ATP5MJ: variants seen among roughly 807,000 people sequenced by gnomAD.
ATP5MJ encodes ATP synthase F(0) complex subunit j, mitochondrial.
In ATP5MJ, 4 loss-of-function variants were observed where a neutral mutation model predicts 8.3. That is an observed-to-expected ratio of 0.48 (90% CI 0.24 to 1.11). The LOEUF is 1.11. ATP5MJ is among the 50% of genes least tolerant of loss of function. ATP5MJ has a pLI of 0.18. For synonymous variants in ATP5MJ, 23 were observed against 21.3 expected (o/e 1.08, Z -0.23); for missense variants, 66 against 71.8 (o/e 0.92, Z 0.29).
chr14:103,920,429 G>C (rs2087667031), intron 1 of ATP5MJ, among the ~76,000 whole-genome samples: 2 of 145,798 alleles, frequency 1.4e-5, no homozygotes, highest in African/African-American at 5.1e-5. Context: ...ACCGCGCCCA[G>C]CTACATATTC....
At position 103,918,916 on chromosome 14, in the gene ATP5MJ, G is replaced by C. The variant is rs548964179; in HGVS notation, c.-1+2554C>G. Reference sequence around the variant, plus strand: ...GGGCGCCTGTAGTCCCAGCTACTCGGAAGGCCGAGGCAGGAGAATGGCGTG... The same window carrying C: ...GGGCGCCTGTAGTCCCAGCTACTCGCAAGGCCGAGGCAGGAGAATGGCGTG... On this transcript the variant is annotated intron_variant, in intron 1 of 3. Transcript: ENST00000286953. 5.9e-4 allele frequency among the ~76,000 whole-genome samples: 90 copies of C among 152,010 alleles called. No homozygotes were observed. In the East Asian group the frequency reaches 0.014, roughly 23 times the overall value.
intron 1 of ATP5MJ, among the ~76,000 whole-genome samples, chr14:103,919,754 T>C (rs79739978): frequency 0.023 from 3,485 of 152,230 alleles, 75 homozygotes; most frequent in East Asian, 0.067. Context: ...TACCTTTCCC[T>C]TCCTTTCCCC....
intron 3 of ATP5MJ, 107 bp downstream of exon 3, chr14:103,913,854 A>T (rs1038043129): frequency 7.5e-7 from 1 of 1,327,462 alleles, no homozygotes; most frequent in Non-Finnish European, 1.1e-6. Context: ...CCTTACATAT[A>T]TACTGAACTG....
Position 103,915,115 on chromosome 14 carries a change from C to G in ATP5MJ, c.75G>C (p.Trp25Cys). 1 of 1,614,112 alleles carries G rather than the reference C, an allele frequency of 6.2e-7. No homozygotes were observed. The highest frequency in any genetic ancestry group is 8.5e-7 in the Non-Finnish European group (1 of 1,180,014). Residue 25 changes from tryptophan to cysteine, a missense_variant, in exon 2 of 4, where the codon TGG becomes TGC. Coordinates refer to ENST00000286953, the MANE Select transcript of ATP5MJ (RefSeq NM_004894.3). ...PYYTKVYQEI[W>C]IGMGLMGFIV... Reference sequence around the variant, plus strand: ...TGAAGCCCATCAGCCCCATTCCTATCCAAATCTCCTGGTAAACTTTGGTGT... The same window carrying G: ...TGAAGCCCATCAGCCCCATTCCTATGCAAATCTCCTGGTAAACTTTGGTGT...
At chr14:103,914,274 T>C in intron 2 of ATP5MJ, 1 of 566,164 alleles carries the variant, frequency 1.8e-6, no homozygotes, top group Non-Finnish European at 3.1e-6. Context: ...CTTAGTAACA[T>C]GTGATTGGGC....
intron 2 of ATP5MJ, chr14:103,914,300 T>C (rs2087605185): frequency 1.8e-6 from 1 of 554,864 alleles, no homozygotes; most frequent in African/African-American, 1.9e-5. Context: ...TGCTCTGCTC[T>C]ACTGAGAACC....
At chr14:103,921,294 C>G (rs2087676314) in intron 1 of ATP5MJ, 176 bp downstream of exon 1, 1 of 384,598 alleles carries the variant, frequency 2.6e-6, no homozygotes, top group Non-Finnish European at 4.8e-6. Flanking sequence ...CGATGCTTCC[C>G]TCTGGCAACC....
At chr14:103,921,260 A>C in intron 1 of ATP5MJ, 1 of 511,892 alleles carries the variant, frequency 2.0e-6, no homozygotes, top group Non-Finnish European at 3.5e-6. Flanking sequence ...AAGGCCAAGG[A>C]GGGAAACGCG....
chr14:103,919,727 A>G (rs1218805177), intron 1 of ATP5MJ, among the ~76,000 whole-genome samples: 1 of 152,098 alleles, frequency 6.6e-6, no homozygotes, highest in African/African-American at 2.4e-5. Context: ...GGGGCCTGCT[A>G]TTCAGTAGCT....
In ATP5MJ at chr14:103,915,128, T is replaced by A. The variant is rs764470239; in HGVS notation, c.62A>T (p.Tyr21Phe). ...CCCCATTCCTATCCAAATCTCCTGG[T>A]AAACTTTGGTGTAGTAGGGCTTCAT... ...IPMKPYYTKV[Y>F]QEIWIGMGLM... The change falls in exon 2 of 4, where the codon TAC becomes TTC. Residue 21 changes from tyrosine (Y) to phenylalanine (F), a missense_variant. Tyr to Phe is a conservative substitution (Grantham distance 22, BLOSUM62 3). Coordinates refer to ENST00000286953, the MANE Select transcript of ATP5MJ (RefSeq NM_004894.3). 6.2e-7 allele frequency: 1 copy of A among 1,614,098 alleles called. No homozygotes were observed. The highest frequency in any genetic ancestry group is 2.2e-5 in the East Asian group (1 of 44,882).
At chr14:103,916,572 A>G (rs1349773375) in intron 1 of ATP5MJ, among the ~76,000 whole-genome samples, 1 of 141,462 alleles carries the variant, frequency 7.1e-6, no homozygotes, top group East Asian at 2.1e-4. Flanking sequence ...GTCTCTACAA[A>G]ACATAAAAAA....
chr14:103,914,860 A>G (rs2087612396), intron 2 of ATP5MJ: 1 of 508,216 alleles, frequency 2.0e-6, no homozygotes, highest in Non-Finnish European at 3.3e-6. Context: ...AAAAAAAAGA[A>G]AAGAAAAGAA....
intron 1 of ATP5MJ, among the ~76,000 whole-genome samples, chr14:103,920,201 T>G (rs1223058431): frequency 1.3e-5 from 2 of 150,358 alleles, no homozygotes; most frequent in Admixed American, 6.7e-5. Flanking sequence ...CTCGGCTCAC[T>G]GCAACCTCCG....
chr14:103,912,339 T>G lies in ATP5MJ; in HGVS notation c.*327A>C. ...CGTTTATTGAGCAGTAGAATACAAGTGAGTGCCTGGATCCTGATCACCAAG... is the reference window on the plus strand; with the variant it reads ...CGTTTATTGAGCAGTAGAATACAAGGGAGTGCCTGGATCCTGATCACCAAG... On this transcript the variant is annotated 3_prime_UTR_variant, in exon 4 of 4. Coordinates refer to ENST00000286953, the MANE Select transcript of ATP5MJ (RefSeq NM_004894.3). 1 of 307,072 alleles carries G rather than the reference T, an allele frequency of 3.3e-6. No homozygotes were observed. The highest frequency in any genetic ancestry group is 5.5e-5 in the East Asian group (1 of 18,338). 19.0% of individuals were successfully genotyped at this position (307,072 alleles called of 1,614,324 possible). A position where few individuals can be genotyped will look rare whatever the true frequency, so the allele number is the denominator to read the frequency against.
At position 103,914,981 on chromosome 14, in the gene ATP5MJ, T is replaced by C. The variant is rs77167399; in HGVS notation, c.124+85A>G. 0.017 allele frequency: 26,756 copies of C among 1,563,148 alleles called. 865 individuals carry two copies. The highest frequency in any genetic ancestry group is 0.13 in the African/African-American group (9,829 of 73,366). On this transcript the variant is annotated intron_variant, in intron 2 of 3. Transcript: ENST00000286953. Reference sequence around the variant, plus strand: ...AATGTTCATACCTAGTTAGAACCCATAGTTCCTTTACAATGTGAATTGTGA... The same window carrying C: ...AATGTTCATACCTAGTTAGAACCCACAGTTCCTTTACAATGTGAATTGTGA...
chr14:103,916,988 A>T (rs2087631042), intron 1 of ATP5MJ, among the ~76,000 whole-genome samples: 1 of 152,056 alleles, frequency 6.6e-6, no homozygotes, highest in African/African-American at 2.4e-5. Flanking sequence ...TGAAACCCGG[A>T]TCGTGTGGTC....
chr14:103,912,980 C>A (rs1264743484), intron 3 of ATP5MJ: 6 of 401,588 alleles, frequency 1.5e-5, no homozygotes, highest in Non-Finnish European at 4.5e-6. Context: ...GTGTAACATT[C>A]AAATGGCTAC....
chr14:103,918,742 G>A (rs1408265284), intron 1 of ATP5MJ, among the ~76,000 whole-genome samples: 1 of 152,146 alleles, frequency 6.6e-6, no homozygotes, highest in African/African-American at 2.4e-5. Flanking sequence ...GGAAACCAAG[G>A]CCGGGAGCGG....
chr14:103,918,359 GTT>G lies in ATP5MJ; in HGVS notation c.-1+3109_-1+3110del, dbSNP rs36094054. Among the ~76,000 whole-genome samples, 24 of 148,010 alleles carry G rather than the reference GTT, an allele frequency of 1.6e-4. No individual in the cohort carries two copies. In the South Asian group the frequency reaches 2.4e-3, roughly 15 times the overall value. On this transcript the variant is annotated intron_variant, in intron 1 of 3. Coordinates refer to ENST00000286953, the MANE Select transcript of ATP5MJ (RefSeq NM_004894.3). Reference sequence around the variant, plus strand: ...AGTCCCTTTAGCTGTTGTTTCAGAGGTTTTTTTTTTTCTCTTTTTTGAGACGG... The same window carrying G: ...AGTCCCTTTAGCTGTTGTTTCAGAGGTTTTTTTTTCTCTTTTTTGAGACGG...
Sources: gnomAD v4.1 joint callset for allele counts (sites outside exome capture counted in the v4.1 genomes callset) on GRCh38, gnomAD v4.1.1 for gene constraint, MANE v1.5 for transcripts, NCBI Gene and HGNC (gene_info 2026-07-23, HGNC 2026-07-21) for gene names.